DNAH10: variants seen among roughly 807,000 people sequenced by gnomAD.
DNAH10 encodes the protein axonemal beta dynein heavy chain 10.
Under a neutral mutation model 506.6 loss-of-function variants are expected in DNAH10, and 348 were observed. The observed-to-expected ratio is 0.69, with a 90% CI of 0.63 to 0.75. DNAH10 has a LOEUF of 0.75. DNAH10 is among the 30% of genes least tolerant of loss of function. The pLI is 0.00. For synonymous variants in DNAH10, 2,059 were observed against 2,198.6 expected (o/e 0.94, Z 1.78); for missense variants, 5,179 against 5,787.1 (o/e 0.89, Z 3.41).
At chr12:123,892,508 T>G (rs1356311642) in intron 52 of DNAH10, among the ~76,000 whole-genome samples, 2 of 152,146 alleles carry the variant, frequency 1.3e-5, no homozygotes, top group African/African-American at 2.4e-5. Context: ...TGAGATTTGG[T>G]GCGGACGCAG....
At chr12:123,921,736 CAG>C (rs1234670694) in intron 65 of DNAH10, among the ~76,000 whole-genome samples, 1 of 87,310 alleles carries the variant, frequency 1.1e-5, no homozygotes, top group African/African-American at 4.7e-5. Context: ...TTTTTTGAGA[CAG>C]AATGTCACTC....
chr12:123,824,705 G>C (rs542030498), intron 24 of DNAH10, among the ~76,000 whole-genome samples: 4 of 152,094 alleles, frequency 2.6e-5, no homozygotes, highest in African/African-American at 9.7e-5. Context: ...TGTCCCTGGC[G>C]TTCCGTGGCT....
chr12:123,773,824 G>T (rs931197861), intron 4 of DNAH10, among the ~76,000 whole-genome samples: 2 of 152,200 alleles, frequency 1.3e-5, no homozygotes, highest in African/African-American at 4.8e-5. Context: ...GTCCATAGCA[G>T]CAAAGAATCC....
rs1958981518 is a variant in DNAH10 at position 123,812,551 on chromosome 12, C to G, written c.3145-613C>G. On this transcript the variant is annotated intron_variant, in intron 19 of 78. Coordinates refer to ENST00000673944, the MANE Select transcript of DNAH10 (RefSeq NM_001372106.1). ...GATTTGTTCTGGGACACTAAGCAGT[C>G]AATTTGCCTGAATGTGTGTTTTTTC... Among the ~76,000 whole-genome samples, 4 of 152,172 alleles carry G rather than the reference C, an allele frequency of 2.6e-5. No individual in the cohort carries two copies. In the South Asian group the frequency reaches 8.3e-4, roughly 32 times the overall value.
At chr12:123,807,112 T>C (rs983174677) in intron 18 of DNAH10, among the ~76,000 whole-genome samples, 5 of 152,076 alleles carry the variant, frequency 3.3e-5, no homozygotes, top group Non-Finnish European at 5.9e-5. Flanking sequence ...ATTCATTCAT[T>C]TGTTCATCCA....
intron 18 of DNAH10, among the ~76,000 whole-genome samples, chr12:123,807,235 CCAAG>C (rs1958716259): frequency 6.9e-6 from 1 of 143,956 alleles, no homozygotes; most frequent in South Asian, 2.3e-4. Flanking sequence ...ATCCATCCAT[CCAAG>C]GTTGAGTAAA....
chr12:123,861,318 T>C (rs1475842867), intron 39 of DNAH10, 148 bp downstream of exon 39: 3 of 1,033,172 alleles, frequency 2.9e-6, no homozygotes, highest in East Asian at 5.2e-5. Context: ...GCTTCGGAAG[T>C]GCGCAGTCCA....
chr12:123,778,558 T>C (rs890324974), intron 5 of DNAH10, among the ~76,000 whole-genome samples: 23 of 151,944 alleles, frequency 1.5e-4, no homozygotes, highest in Non-Finnish European at 3.1e-4. Context: ...TAGCTGGGCA[T>C]GGTGGCATGC....
chr12:123,773,906 A>C (rs764763032), intron 4 of DNAH10, among the ~76,000 whole-genome samples: 3 of 152,250 alleles, frequency 2.0e-5, no homozygotes, highest in Non-Finnish European at 4.4e-5. Flanking sequence ...CAGATCAGCA[A>C]ATGTGTGCAG....
Position 123,762,797 on chromosome 12 carries a change from C to G in DNAH10, c.214+247C>G, listed in dbSNP as rs1322236323. 1.3e-5 allele frequency among the ~76,000 whole-genome samples: 2 copies of G among 152,250 alleles called. No individual in the cohort carries two copies. Among genetic ancestry groups the G allele is most frequent in the East Asian group, 3.8e-4 (2 of 5,204 alleles). On this transcript the variant is annotated intron_variant, in intron 1 of 78. Coordinates refer to ENST00000673944, the MANE Select transcript of DNAH10 (RefSeq NM_001372106.1). This position sits in a 1 kb window ranked among gnomAD's most constrained non-coding sequence, Gnocchi z 5.0. The stretch of plus-strand genomic sequence containing the variant: ...ATTGAAAAATCACAGCAAACACTGA[C>G]TTAGCCCGCACCCCGTGCCAGGTGC...
At chr12:123,802,777 A>T in intron 16 of DNAH10, among the ~76,000 whole-genome samples, 2 of 145,382 alleles carry the variant, frequency 1.4e-5, no homozygotes, top group African/African-American at 5.1e-5. Flanking sequence ...CTGTGTAATG[A>T]TATCTCATGG....
At chr12:123,869,465 C>G (rs1280709317) in intron 43 of DNAH10, among the ~76,000 whole-genome samples, 1 of 152,118 alleles carries the variant, frequency 6.6e-6, no homozygotes, top group African/African-American at 2.4e-5. Context: ...AATCCCAGTC[C>G]CCAGCTGGCA....
intron 57 of DNAH10, among the ~76,000 whole-genome samples, chr12:123,906,679 A>G (rs1433780720): frequency 6.6e-6 from 1 of 151,826 alleles, no homozygotes; most frequent in Non-Finnish European, 1.5e-5. Flanking sequence ...TCTATTGAGG[A>G]TTTTTTTCCT....
At chr12:123,895,141 G>C (rs1953161667) in intron 54 of DNAH10, among the ~76,000 whole-genome samples, 1 of 152,216 alleles carries the variant, frequency 6.6e-6, no homozygotes, top group African/African-American at 2.4e-5. Context: ...TCGGCTCTTT[G>C]TAGAAAACAT....
rs553070416 is a variant in DNAH10, at chr12:123,910,451, G to T, written c.9998-85G>T. 752 of 1,526,194 alleles carry T rather than the reference G, an allele frequency of 4.9e-4. 4 individuals are homozygous for T. The South Asian group carries it at 6.4e-3, about 13-fold the overall frequency. The allele number at this position is 1,526,194 out of a possible 1,614,324, so 94.5% of individuals were successfully genotyped here. A position where few individuals can be genotyped will look rare whatever the true frequency, so the allele number is the denominator to read the frequency against. ...TGCTCACAGGGCCACTGAAGAATAA[G>T]AAACTAGTTATGCTTATTTTGTCTA... On this transcript the variant is annotated intron_variant, in intron 58 of 78. Transcript: ENST00000673944.
At position 123,896,142 on chromosome 12, in the gene DNAH10, C is replaced by G. The variant is rs1457511943; in HGVS notation, c.9280+1419C>G. Among the ~76,000 whole-genome samples the G allele has an allele frequency of 2.7e-3, 312 of 113,528 alleles. 3 individuals carry two copies. Among genetic ancestry groups the G allele is most frequent in the African/African-American group, 0.014 (297 of 20,784 alleles). 74.5% of individuals were successfully genotyped at this position (113,528 alleles called of 152,430 possible). On this transcript the variant is annotated intron_variant, in intron 54 of 78. Transcript: ENST00000673944. ...ACACACACACACACACACACACACACACACACAGAGAGAGAGAGAGAGAGA... is the reference window on the plus strand; with the variant it reads ...ACACACACACACACACACACACACAGACACACAGAGAGAGAGAGAGAGAGA...
In DNAH10 at chr12:123,846,905, G is replaced by A. The variant is rs1000334271; in HGVS notation, c.5814+751G>A. Among the ~76,000 whole-genome samples, 2 of 152,138 alleles carry A rather than the reference G, an allele frequency of 1.3e-5. No homozygotes were observed. Among genetic ancestry groups the A allele is most frequent in the African/African-American group, 4.8e-5 (2 of 41,424 alleles). On this transcript the variant is annotated intron_variant, in intron 32 of 78. Coordinates refer to ENST00000673944, the MANE Select transcript of DNAH10 (RefSeq NM_001372106.1). The surrounding 1 kb of genome is among the most constrained non-coding windows in gnomAD (Gnocchi z 4.5). ...CACACCATGGGATTTGGGGGGACAA[G>A]GATAAAGGGAATGAGTGAGAACAGG... is the stretch of plus-strand genomic sequence containing the variant.
chr12:123,847,504 G>A (rs762716389), intron 32 of DNAH10, among the ~76,000 whole-genome samples: 1 of 143,976 alleles, frequency 6.9e-6, no homozygotes, highest in Non-Finnish European at 1.5e-5. Flanking sequence ...GTGTAGACTC[G>A]TGTCTGGGTC....
chr12:123,880,165 G>T (rs1177680784), intron 50 of DNAH10, among the ~76,000 whole-genome samples: 1 of 152,110 alleles, frequency 6.6e-6, no homozygotes, highest in Non-Finnish European at 1.5e-5. Context: ...GCCAATCAAA[G>T]CCCAGCAGAT....
Sources: gnomAD v4.1 joint callset for allele counts (sites outside exome capture counted in the v4.1 genomes callset) on GRCh38, gnomAD v4.1.1 for gene constraint, Gnocchi (gnomAD v3.1) non-coding constraint, MANE v1.5 for transcripts, NCBI Gene and HGNC (gene_info 2026-07-23, HGNC 2026-07-21) for gene names.